Variants in ZBTB20 observed in about 807,000 individuals in gnomAD.
ZBTB20 encodes zinc finger and BTB domain-containing protein 20.
A neutral mutation model predicts 56.9 loss-of-function variants in ZBTB20; 9 were observed. The ratio of observed to expected loss-of-function variants is 0.16; its 90% CI spans 0.10 to 0.28. The LOEUF (loss-of-function observed/expected upper bound fraction) is 0.28. Ranked by LOEUF, ZBTB20 falls within the 10% of genes least tolerant of loss-of-function variation. ZBTB20 has a pLI of 1.00. For missense variants in ZBTB20, 655 were observed against 1,003.0 expected, an observed-to-expected ratio of 0.65 and a Z score of 4.69; for synonymous variants, 417 against 420.7, an observed-to-expected ratio of 0.99 and a Z score of 0.11.
chr3:114,416,979 C>A (rs1186463498), intron 7 of ZBTB20, among the ~76,000 whole-genome samples: 2 of 152,008 alleles, frequency 1.3e-5, no homozygotes, highest in South Asian at 4.1e-4. Flanking sequence ...CTGAAAGAAC[C>A]AAATGGTGGT....
intron 2 of ZBTB20, among the ~76,000 whole-genome samples, chr3:115,005,727 T>C (rs2079438866): frequency 6.6e-6 from 1 of 151,756 alleles, no homozygotes; most frequent in Non-Finnish European, 1.5e-5. Flanking sequence ...TTAGTTGAGG[T>C]CACTGTGATT....
At chr3:114,544,413 CTTTCTTTCT>C (rs2049498047) in intron 6 of ZBTB20, among the ~76,000 whole-genome samples, 3 of 8,918 alleles carry the variant, frequency 3.4e-4, no homozygotes, top group African/African-American at 1.1e-3. Flanking sequence ...TTTCTTCTTT[CTTTCTTTCT>C]TTCTTTCTTT....
intron 4 of ZBTB20, among the ~76,000 whole-genome samples, chr3:114,842,706 A>T (rs1397630576): frequency 1.3e-5 from 2 of 152,232 alleles, no homozygotes; most frequent in Admixed American, 6.5e-5. Context: ...CCACTGTTGC[A>T]AGGAGGAAAA....
At chr3:114,817,488 A>G (rs112613950) in intron 4 of ZBTB20, among the ~76,000 whole-genome samples, 5,119 of 151,848 alleles carry the variant, frequency 0.034, 164 homozygotes, top group Non-Finnish European at 0.044. Flanking sequence ...ATTGCACTAT[A>G]GCCTGGGCAA....
rs2079260884 is a variant in ZBTB20, at chr3:114,331,644, C to T, written c.*7361G>A. 6.6e-6 allele frequency: 1 copy of T among 152,136 alleles called. No individual in the cohort carries two copies. The highest frequency in any genetic ancestry group is 1.5e-5 in the Non-Finnish European group (1 of 68,016). The allele number at this position is 152,136 out of a possible 1,614,324, so 9.4% of individuals were successfully genotyped here. A position where few individuals can be genotyped will look rare whatever the true frequency, so the allele number is the denominator to read the frequency against. ...AGAGTTTGTTAAATGCACTCTACTC[C>T]ACATAAGCATATTCAAGTTTCTCAT... On this transcript the variant is annotated 3_prime_UTR_variant, in exon 12 of 12. Transcript: ENST00000675478.
chr3:114,681,510 G>C (rs529121930), intron 6 of ZBTB20, among the ~76,000 whole-genome samples: 2 of 152,182 alleles, frequency 1.3e-5, no homozygotes, highest in African/African-American at 4.8e-5. Context: ...AAGGCTGGGA[G>C]CCAGGATTAA....
In ZBTB20 at chr3:114,876,838, T is replaced by C. The variant is rs185515850; in HGVS notation, c.-417+23466A>G. Among the ~76,000 whole-genome samples, 47 of 152,312 alleles carry C rather than the reference T, an allele frequency of 3.1e-4. No homozygotes were observed. The Middle Eastern group carries it at 0.034, about 110-fold the overall frequency. On this transcript the variant is annotated intron_variant, in intron 4 of 11. Transcript: ENST00000675478. ...TCCAAGAAACCACCTATGATACCCA[T>C]AGATTGGAAATTCTCTCTTTCTCTC...
At chr3:114,729,788 T>A (rs2065589968) in intron 5 of ZBTB20, among the ~76,000 whole-genome samples, 1 of 151,972 alleles carries the variant, frequency 6.6e-6, no homozygotes, top group Admixed American at 6.6e-5. Flanking sequence ...TGATGCTATA[T>A]GTAGGATTTT....
At chr3:114,506,825 A>T (rs747114354) in intron 6 of ZBTB20, among the ~76,000 whole-genome samples, 2 of 152,052 alleles carry the variant, frequency 1.3e-5, no homozygotes, top group Admixed American at 1.3e-4. Context: ...TTAATAAAAA[A>T]TTTTCCCACT....
chr3:114,989,743 G>A (rs1033503892), intron 2 of ZBTB20, among the ~76,000 whole-genome samples: 3 of 152,154 alleles, frequency 2.0e-5, no homozygotes, highest in African/African-American at 7.2e-5. Context: ...AGCATGGAAT[G>A]TTCTTCCATT....
intron 6 of ZBTB20, among the ~76,000 whole-genome samples, chr3:114,558,139 T>C (rs1221951852): frequency 6.6e-6 from 1 of 151,854 alleles, no homozygotes; most frequent in Non-Finnish European, 1.5e-5. Context: ...CCTTGAGGGG[T>C]GGATGGTGGT....
At chr3:115,032,250 A>G (rs2080717647) in intron 2 of ZBTB20, among the ~76,000 whole-genome samples, 1 of 151,408 alleles carries the variant, frequency 6.6e-6, no homozygotes, top group Non-Finnish European at 1.5e-5. Context: ...CACACAATAA[A>G]TTATATTGTG....
chr3:115,083,848 G>A (rs963033185), intron 1 of ZBTB20, among the ~76,000 whole-genome samples: 3 of 151,518 alleles, frequency 2.0e-5, no homozygotes, highest in Non-Finnish European at 4.4e-5. Flanking sequence ...GCAGAGAGAG[G>A]GTTTCTAAAT....
At chr3:114,622,962 T>TC (rs2058422276) in intron 6 of ZBTB20, among the ~76,000 whole-genome samples, 3 of 152,052 alleles carry the variant, frequency 2.0e-5, no homozygotes. Context: ...CATCAAAGAC[T>TC]CCCCCTCTTT....
chr3:114,813,162 G>A (rs2072680054), intron 4 of ZBTB20, among the ~76,000 whole-genome samples: 2 of 152,240 alleles, frequency 1.3e-5, no homozygotes, highest in Admixed American at 1.3e-4. Flanking sequence ...CCCAGGCAGA[G>A]GAGGCGCCCA....
chr3:114,998,885 A>C (rs1177042956), intron 2 of ZBTB20, among the ~76,000 whole-genome samples: 2 of 151,630 alleles, frequency 1.3e-5, no homozygotes, highest in East Asian at 3.9e-4. Flanking sequence ...TTTAAGATAA[A>C]GATGTGGCTG....
intron 2 of ZBTB20, among the ~76,000 whole-genome samples, chr3:114,991,999 T>C (rs563929584): frequency 1.3e-5 from 2 of 152,198 alleles, no homozygotes; most frequent in South Asian, 2.1e-4. Flanking sequence ...TATGTGTCTA[T>C]GCACGTTCTT....
At chr3:114,460,313 T>A (rs1228042504) in intron 7 of ZBTB20, among the ~76,000 whole-genome samples, 2 of 152,052 alleles carry the variant, frequency 1.3e-5, no homozygotes, top group East Asian at 3.9e-4. Context: ...AAGATATCCA[T>A]GTCCTAATCC....
chr3:114,866,997 C>T (rs118153197), intron 4 of ZBTB20, among the ~76,000 whole-genome samples: 6 of 152,128 alleles, frequency 3.9e-5, no homozygotes, highest in South Asian at 2.1e-4. Context: ...AAACATAGTA[C>T]ATAGTTTCTG....
Sources: allele counts gnomAD v4.1 joint callset (sites outside exome capture counted in the v4.1 genomes callset), GRCh38; gene constraint gnomAD v4.1.1; transcripts MANE v1.5; gene names NCBI Gene and HGNC (gene_info 2026-07-23, HGNC 2026-07-21).